Variants in GEN1 observed in about 807,000 individuals in gnomAD.
GEN1 encodes GEN1 structure-specific endonuclease.
A neutral mutation model predicts 67.6 loss-of-function variants in GEN1; 64 were observed. That is an observed-to-expected ratio of 0.95 (90% confidence interval 0.77 to 1.17). The LOEUF (loss-of-function observed/expected upper bound fraction) is 1.17. Ranked by LOEUF, GEN1 falls within the 50% of genes most tolerant of loss-of-function variation. The pLI is 0.00. For synonymous variants in GEN1, 371 were observed against 359.4 expected, an observed-to-expected ratio of 1.03 and a Z score of -0.37; for missense variants, 1,058 against 1,048.3, an observed-to-expected ratio of 1.01 and a Z score of -0.13.
intron 3 of GEN1, among the ~76,000 whole-genome samples, chr2:17,763,221 A>G (rs1671763599): frequency 6.6e-6 from 1 of 152,194 alleles, no homozygotes; most frequent in Non-Finnish European, 1.5e-5. Flanking sequence ...ACTTTTAAAA[A>G]TAGTTTTCAA....
intron 13 of GEN1, 53 bp downstream of exon 13, chr2:17,780,174 GCCAC>G: frequency 4.9e-6 from 7 of 1,428,768 alleles, no homozygotes; most frequent in African/African-American, 1.4e-5. Context: ...TTATAGAAGA[GCCAC>G]CTCTTCTGTT....
chr2:17,764,195 T>C (rs1365281655), intron 3 of GEN1, among the ~76,000 whole-genome samples: 1 of 152,224 alleles, frequency 6.6e-6, no homozygotes, highest in African/African-American at 2.4e-5. Context: ...CACTGACAGC[T>C]GACTTCTCCG....
chr2:17,771,428 C>G, intron 7 of GEN1, 141 bp downstream of exon 7: 1 of 613,406 alleles, frequency 1.6e-6, no homozygotes, highest in Non-Finnish European at 2.9e-6. Flanking sequence ...GAATTCCTTG[C>G]AGTCAGTTTT....
chr2:17,758,853 CAAAAA>C (rs1164735428), intron 1 of GEN1, among the ~76,000 whole-genome samples: 1 of 87,384 alleles, frequency 1.1e-5, no homozygotes, highest in Admixed American at 1.3e-4. Flanking sequence ...GACCCTGTCT[CAAAAA>C]AAAAAAAAAA....
At chr2:17,757,034 CTAA>C (rs1293716220) in intron 1 of GEN1, among the ~76,000 whole-genome samples, 2 of 152,162 alleles carry the variant, frequency 1.3e-5, no homozygotes, top group Non-Finnish European at 2.9e-5. Context: ...GATGTTCTTT[CTAA>C]TAAAATGTAC....
At chr2:17,756,831 G>A (rs191755354) in intron 1 of GEN1, among the ~76,000 whole-genome samples, 1 of 152,278 alleles carries the variant, frequency 6.6e-6, no homozygotes, top group Admixed American at 6.5e-5. Context: ...TTTCAGTGTA[G>A]TTGTACTTTA....
Position 17,769,110 on chromosome 2 carries a change from G to A in GEN1, c.710+299G>A, listed in dbSNP as rs373218003. On this transcript the variant is annotated intron_variant, in intron 6 of 13. Coordinates refer to ENST00000381254, the MANE Select transcript of GEN1 (RefSeq NM_001130009.3). ...TCACTGCTCACTGCAATCTCAACCT[G>A]CCGGAGTCAAGTGATCCTCCTACTT... Among the ~76,000 whole-genome samples the A allele has an allele frequency of 2.6e-4, 40 of 152,052 alleles. No homozygotes were observed. In the East Asian group the frequency reaches 6.8e-3, roughly 26 times the overall value.
Position 17,764,818 on chromosome 2 carries a change from A to G in GEN1, c.349-79A>G, listed in dbSNP as rs552330133. 77 of 1,284,902 alleles carry G rather than the reference A, an allele frequency of 6.0e-5. 1 individual carries two copies. The South Asian group carries it at 1.1e-3, about 18-fold the overall frequency. The allele number at this position is 1,284,902 out of a possible 1,614,324, so 79.6% of individuals were successfully genotyped here. The stretch of plus-strand genomic sequence containing the variant: ...AAAATAGCTACTATTAATATTTGTA[A>G]TACAGAAATAGGTTTAATAGTAAAT... On this transcript the variant is annotated intron_variant, in intron 3 of 13. Transcript: ENST00000381254.
chr2:17,782,057 C>T lies in GEN1; in HGVS notation c.*118C>T, dbSNP rs1672868659. Reference sequence around the variant, plus strand: ...TTTTAATGTTCTCTGTGTCATGAAACACTTGCCATTTTAATCAAAGTTGTA... The same window carrying T: ...TTTTAATGTTCTCTGTGTCATGAAATACTTGCCATTTTAATCAAAGTTGTA... On this transcript the variant is annotated 3_prime_UTR_variant, in exon 14 of 14. Coordinates refer to ENST00000381254, the MANE Select transcript of GEN1 (RefSeq NM_001130009.3). The T allele has an allele frequency of 1.8e-6, 1 of 571,186 alleles. No individual in the cohort carries two copies. Among genetic ancestry groups the T allele is most frequent in the East Asian group, 2.9e-5 (1 of 34,632 alleles). The allele number at this position is 571,186 out of a possible 1,614,324, so 35.4% of individuals were successfully genotyped here.
In GEN1 at chr2:17,781,355, T is replaced by A; in HGVS notation, c.2143T>A (p.Cys715Ser). The part of the protein sequence containing the change: ...ESCIANSGSD[C>S]TSHLSKDLPG... ...TTGTATTGCTAACAGTGGTTCTGAT[T>A]GTACATCACATCTTTCAAAGGATCT... is the stretch of plus-strand genomic sequence containing the variant. The change falls in exon 14 of 14, where the codon TGT (cysteine) becomes AGT (serine). Residue 715 changes from cysteine to serine, a missense_variant. By Grantham distance (112) the Cys-to-Ser change is moderately radical (BLOSUM62 -1). Coordinates refer to ENST00000381254, the MANE Select transcript of GEN1 (RefSeq NM_001130009.3). 6.2e-7 allele frequency: 1 copy of A among 1,613,944 alleles called. No homozygotes were observed. The highest frequency in any genetic ancestry group is 8.5e-7 in the Non-Finnish European group (1 of 1,179,888).
At chr2:17,761,975 T>TC (rs1671702543) in intron 3 of GEN1, among the ~76,000 whole-genome samples, 1 of 152,154 alleles carries the variant, frequency 6.6e-6, no homozygotes, top group Non-Finnish European at 1.5e-5. Flanking sequence ...TCTCATTAAT[T>TC]CGTACTTCAC....
chr2:17,767,146 C>G (rs956359617), intron 5 of GEN1, among the ~76,000 whole-genome samples: 4 of 152,148 alleles, frequency 2.6e-5, no homozygotes, highest in African/African-American at 9.7e-5. Flanking sequence ...TTCCATGCCT[C>G]TCAGCGTTGT....
chr2:17,755,285 G>A (rs2125111972), intron 1 of GEN1: 1 of 152,212 alleles, frequency 6.6e-6, no homozygotes, highest in African/African-American at 2.4e-5. Context: ...CCTAAGTGGG[G>A]GACCTTTTTT....
At position 17,771,228 on chromosome 2, in the gene GEN1, C is replaced by T; in HGVS notation, c.743C>T (p.Ser248Phe). Residue 248 changes from serine (S) to phenylalanine (F), a missense_variant, in exon 7 of 14, where the codon TCT (serine) becomes TTT (phenylalanine). Ser to Phe is a radical substitution (Grantham distance 155, BLOSUM62 -2). Coordinates refer to ENST00000381254, the MANE Select transcript of GEN1 (RefSeq NM_001130009.3). The stretch of plus-strand genomic sequence containing the variant: ...CGGTGGAATGAAACATCTTGTAACT[C>T]TAGTCCACAACTGCTAGTCACTAAA... ...FNRWNETSCN[S>F]SPQLLVTKKL... 1 of 1,612,102 alleles carries T rather than the reference C, an allele frequency of 6.2e-7. No individual in the cohort carries two copies. Among genetic ancestry groups the T allele is most frequent in the Non-Finnish European group, 8.5e-7 (1 of 1,178,496 alleles).
In GEN1 at chr2:17,781,701, C is replaced by T; in HGVS notation, c.2489C>T (p.Ser830Phe). Residue 830 changes from serine to phenylalanine, a missense_variant, in exon 14 of 14, where the codon TCC (serine) becomes TTC (phenylalanine). Coordinates refer to ENST00000381254, the MANE Select transcript of GEN1 (RefSeq NM_001130009.3). ...CACAGTTCTCAAAAGCATAATTCAT[C>T]CCATTTCAAAGAAAGTGGCCATAAC... ...MKHSSQKHNSSHFKESGHNKL... is the reference protein window; with the variant it reads ...MKHSSQKHNSFHFKESGHNKL... 1 of 1,613,686 alleles carries T rather than the reference C, an allele frequency of 6.2e-7. No homozygotes were observed. Among genetic ancestry groups the T allele is most frequent in the Non-Finnish European group, 8.5e-7 (1 of 1,179,724 alleles).
intron 3 of GEN1, among the ~76,000 whole-genome samples, 152 bp from the exon 4 acceptor site, chr2:17,764,742 CATT>C (rs1436210991): frequency 2.2e-4 from 33 of 152,192 alleles, no homozygotes; most frequent in African/African-American, 7.7e-4. Context: ...AATATTCAGT[CATT>C]GTTCAAATTT....
At chr2:17,768,178 C>A (rs1353698252) in intron 5 of GEN1, among the ~76,000 whole-genome samples, 1 of 152,140 alleles carries the variant, frequency 6.6e-6, no homozygotes, top group Admixed American at 6.5e-5. Flanking sequence ...CTGGAAGACT[C>A]AGTTTAAATC....
Position 17,771,691 on chromosome 2 carries a change from A to T in GEN1, c.802+404A>T, listed in dbSNP as rs300173. 7.9e-3 allele frequency among the ~76,000 whole-genome samples: 1,202 copies of T among 151,992 alleles called. 12 individuals carry two copies. The highest frequency in any genetic ancestry group is 0.013 in the Non-Finnish European group (857 of 67,878). On this transcript the variant is annotated intron_variant, in intron 7 of 13. Transcript: ENST00000381254. ...TTAAATGATTCTTCATTGTCCTGTA[A>T]TGCATTTTGTGTGTGAAGACAGTGA...
intron 5 of GEN1, among the ~76,000 whole-genome samples, chr2:17,767,961 C>T (rs1464603392): frequency 6.6e-6 from 1 of 152,158 alleles, no homozygotes; most frequent in Non-Finnish European, 1.5e-5. Flanking sequence ...CCTGCTGTGC[C>T]ATAGACTCTC....
Sources: gnomAD v4.1 joint callset for allele counts (sites outside exome capture counted in the v4.1 genomes callset) on GRCh38, gnomAD v4.1.1 for gene constraint, MANE v1.5 for transcripts, NCBI Gene and HGNC (gene_info 2026-07-23, HGNC 2026-07-21) for gene names.